Variants in HNF4A observed in about 807,000 individuals in gnomAD.
HNF4A encodes hepatocyte nuclear factor 4-alpha.
In HNF4A, 15 loss-of-function variants were observed where a neutral mutation model predicts 52.4. The observed-to-expected ratio is 0.29, with a 90% CI of 0.19 to 0.44. The LOEUF (loss-of-function observed/expected upper bound fraction) is 0.44, where lower values mean the gene tolerates loss of function less well. HNF4A is among the 20% of genes least tolerant of loss of function. The pLI is 1.00. For synonymous variants in HNF4A, 280 were observed against 264.4 expected (o/e 1.06, Z -0.57); for missense variants, 479 against 647.2 (o/e 0.74, Z 2.82).
At chr20:44,418,536 C>T in intron 6 of HNF4A, 24 bp downstream of exon 6, 1 of 1,554,060 alleles carries the variant, frequency 6.4e-7, no homozygotes, top group Non-Finnish European at 8.8e-7. Flanking sequence ...CTGCCCTGGC[C>T]AGGGCTCCAG....
At chr20:44,388,125 A>G (rs1008176748) in intron 1 of HNF4A, among the ~76,000 whole-genome samples, 4 of 150,978 alleles carry the variant, frequency 2.6e-5, no homozygotes, top group African/African-American at 7.3e-5. Context: ...GTCTCACTCT[A>G]TCACCCAGGC....
Position 44,413,808 on chromosome 20 carries a change from G to A in HNF4A, c.492+8G>A. The A allele has an allele frequency of 6.3e-7, 1 of 1,592,010 alleles. No individual in the cohort carries two copies. Among genetic ancestry groups the A allele is most frequent in the African/African-American group, 1.3e-5 (1 of 74,612 alleles). ...GAGGTCCTGTCCCGACAGGTACCGG[G>A]GTGATCCTGCCACCCACCCAGGGAT... On this transcript the variant is annotated splice_region_variant and intron_variant, in intron 4 of 9. Transcript: ENST00000316099.
At position 44,401,484 on chromosome 20, in the gene HNF4A, A is replaced by G. The variant is rs746544497; in HGVS notation, c.112A>G (p.Asn38Asp). The change falls in exon 1 of 10, where the codon AAT becomes GAT. Residue 38 changes from asparagine to aspartate, a missense_variant. This residue lies in a region of HNF4A where 90 missense variants were observed against 105.5 expected (regional missense o/e 0.85). Coordinates refer to ENST00000316099, the MANE Select transcript of HNF4A (RefSeq NM_000457.6). ...GAATGTGCAGGTGTTGACGATGGGC[A>G]ATGGTAGGTGGGGGCAGATGTGCCC... The G allele has an allele frequency of 4.3e-6, 7 of 1,614,190 alleles. No individual in the cohort carries two copies. The highest frequency in any genetic ancestry group is 4.5e-5 in the East Asian group (2 of 44,884).
At chr20:44,414,920 A>T (rs182630931) in intron 5 of HNF4A, among the ~76,000 whole-genome samples, 1 of 152,316 alleles carries the variant, frequency 6.6e-6, no homozygotes, top group East Asian at 1.9e-4. Flanking sequence ...GGGCACAGAG[A>T]GGTTAAGTAA....
intron 2 of HNF4A, among the ~76,000 whole-genome samples, chr20:44,406,811 C>T (rs998912411): frequency 3.3e-5 from 5 of 152,246 alleles, no homozygotes; most frequent in Non-Finnish European, 5.9e-5. Context: ...TGTCAACACC[C>T]CTGTGAGATG....
intron 1 of HNF4A, among the ~76,000 whole-genome samples, chr20:44,381,301 G>A (rs910615564): frequency 3.3e-5 from 4 of 121,508 alleles, no homozygotes; most frequent in African/African-American, 9.9e-5. Context: ...TTTTTTTTGA[G>A]ACAGAGTTTT....
At chr20:44,421,583 G>A (rs375607732) in intron 7 of HNF4A, among the ~76,000 whole-genome samples, 71 of 151,708 alleles carry the variant, frequency 4.7e-4, no homozygotes, top group Middle Eastern at 3.4e-3. Flanking sequence ...GTGAAACCCC[G>A]TCTCTACTAA....
At chr20:44,434,430 C>T (rs183756586), downstream of HNF4A, 566 of 151,800 alleles carry the variant, frequency 3.7e-3, 5 homozygotes, top group Non-Finnish European at 4.3e-3. Context: ...TTCCCCTGTG[C>T]CTTCCCTCCA....
intron 1 of HNF4A, among the ~76,000 whole-genome samples, chr20:44,375,495 GTT>G (rs11476597): frequency 7.0e-6 from 1 of 142,072 alleles, no homozygotes; most frequent in Non-Finnish European, 1.5e-5. Flanking sequence ...AAATGTTTTT[GTT>G]TTTTTTTTTT....
rs181440658 is a variant in HNF4A at position 44,391,072 on chromosome 20, C to A, written c.50-14986C>A. On this transcript the variant is annotated intron_variant, in intron 1 of 9. Coordinates refer to the HNF4A transcript ENST00000316673. ...TGAAGTTCCCTGAGCAGAAAACAAT[C>A]GGTTAAAATCTCATTGCCACTTCTG... 3.3e-5 allele frequency among the ~76,000 whole-genome samples: 5 copies of A among 152,232 alleles called. No homozygotes were observed. The South Asian group carries it at 1.0e-3, about 32-fold the overall frequency.
At chr20:44,360,346 G>A (rs1308899861) in intron 1 of HNF4A, among the ~76,000 whole-genome samples, 3 of 152,086 alleles carry the variant, frequency 2.0e-5, no homozygotes, top group Non-Finnish European at 2.9e-5. Flanking sequence ...ATGAGTAACT[G>A]GGGAGATGGC....
rs1254732171 is a variant in HNF4A, at chr20:44,401,498, G to T, written c.115+11G>T. On this transcript the variant is annotated intron_variant, in intron 1 of 9. Transcript: ENST00000316099. ...TGACGATGGGCAATGGTAGGTGGGG[G>T]CAGATGTGCCCAGGTGTGCCAGTGG... The T allele has an allele frequency of 6.2e-7, 1 of 1,614,054 alleles. No individual in the cohort carries two copies. Among genetic ancestry groups the T allele is most frequent in the East Asian group, 2.2e-5 (1 of 44,900 alleles).
chr20:44,403,176 G>A (rs1458315185), intron 1 of HNF4A, among the ~76,000 whole-genome samples: 1 of 152,204 alleles, frequency 6.6e-6, no homozygotes, highest in African/African-American at 2.4e-5. Context: ...CCCAGGAACT[G>A]TGTGCTCCTG....
intron 1 of HNF4A, among the ~76,000 whole-genome samples, chr20:44,381,088 A>C (rs1813351015): frequency 6.6e-6 from 1 of 152,122 alleles, no homozygotes; most frequent in Non-Finnish European, 1.5e-5. Context: ...TCCTTCCCTG[A>C]CAGTTGACCA....
intron 7 of HNF4A, among the ~76,000 whole-genome samples, chr20:44,422,858 CA>C (rs2063765496): frequency 6.6e-6 from 1 of 151,470 alleles, no homozygotes; most frequent in Non-Finnish European, 1.5e-5. Flanking sequence ...TTTGTATTAT[CA>C]GTAGAGATGG....
chr20:44,404,512 A>G (rs988535862), intron 1 of HNF4A, among the ~76,000 whole-genome samples: 2 of 151,502 alleles, frequency 1.3e-5, no homozygotes, highest in Non-Finnish European at 2.9e-5. Context: ...ATGTTTGTGC[A>G]TGTGAGCATG....
At chr20:44,364,288 C>T (rs1422848285) in intron 1 of HNF4A, among the ~76,000 whole-genome samples, 2 of 151,938 alleles carry the variant, frequency 1.3e-5, no homozygotes, top group African/African-American at 2.4e-5. Context: ...GCAATCCTCC[C>T]GCCTCAGCCT....
intron 3 of HNF4A, among the ~76,000 whole-genome samples, chr20:44,412,515 G>A (rs762401112): frequency 3.3e-5 from 5 of 152,234 alleles, no homozygotes; most frequent in East Asian, 1.9e-4. Flanking sequence ...GGGGGAAGCC[G>A]GTAAAAGGTG....
intron 3 of HNF4A, chr20:44,408,351 T>A (rs1294923738): frequency 6.5e-6 from 1 of 153,862 alleles, no homozygotes; most frequent in Non-Finnish European, 1.5e-5. Context: ...CTGTCTATTA[T>A]TTTATGCTCT....
Sources: gnomAD v4.1 joint callset for allele counts (sites outside exome capture counted in the v4.1 genomes callset) on GRCh38, gnomAD v4.1.1 for gene constraint, gnomAD v4.1.1 regional missense constraint, MANE v1.5 for transcripts, NCBI Gene and HGNC (gene_info 2026-07-23, HGNC 2026-07-21) for gene names.